Variants in UBE2D1 observed in about 807,000 individuals in gnomAD.
UBE2D1 encodes ubiquitin-conjugating enzyme E2 D1.
A neutral mutation model predicts 24.6 loss-of-function variants in UBE2D1; 9 were observed. The observed-to-expected ratio is 0.37, with a 90% confidence interval of 0.22 to 0.64. The LOEUF is 0.64. UBE2D1 is among the 30% of genes least tolerant of loss of function. The pLI, the probability that UBE2D1 is intolerant of heterozygous loss-of-function variation, is 0.64. For synonymous variants in UBE2D1, 57 were observed against 57.6 expected, an observed-to-expected ratio of 0.99 and a Z score of 0.04; for missense variants, 87 against 177.1, an observed-to-expected ratio of 0.49 and a Z score of 2.89.
At chr10:58,363,951 G>T (rs1477854643) in intron 4 of UBE2D1, among the ~76,000 whole-genome samples, 1 of 151,486 alleles carries the variant, frequency 6.6e-6, no homozygotes, top group Non-Finnish European at 1.5e-5. Context: ...GATATGTGTA[G>T]TTTGGGACGT....
At chr10:58,355,050 C>T (rs1840116421) in intron 1 of UBE2D1, among the ~76,000 whole-genome samples, 1 of 152,106 alleles carries the variant, frequency 6.6e-6, no homozygotes, top group South Asian at 2.1e-4. Flanking sequence ...TATGCTTATG[C>T]ATTAATCTGT....
intron 1 of UBE2D1, among the ~76,000 whole-genome samples, chr10:58,338,951 G>A (rs1839933017): frequency 6.6e-6 from 1 of 152,130 alleles, no homozygotes; most frequent in African/African-American, 2.4e-5. Flanking sequence ...CATATATAGA[G>A]AGACATAGAT....
In UBE2D1 at chr10:58,361,386, C is replaced by T. The variant is rs146640405; in HGVS notation, c.73C>T (p.Pro25Ser). Residue 25 changes from proline (P) to serine (S), a missense_variant, in exon 2 of 7, where the codon CCT becomes TCT. By Grantham distance (74) the Pro-to-Ser change is moderately conservative. Transcript: ENST00000373910. ...TCCACCTGCTCACTGTTCAGCTGGA[C>T]CTGTGGGAGATGACTGTAAGCCTTG... The part of the protein sequence containing the change: ...RDPPAHCSAG[P>S]VGDDLFHWQA... 1.2e-6 allele frequency: 2 copies of T among 1,614,144 alleles called. No homozygotes were observed. The highest frequency in any genetic ancestry group is 1.7e-6 in the Non-Finnish European group (2 of 1,180,030).
At chr10:58,337,078 A>G (rs1409041297) in intron 1 of UBE2D1, among the ~76,000 whole-genome samples, 1 of 152,242 alleles carries the variant, frequency 6.6e-6, no homozygotes, top group Admixed American at 6.5e-5. Context: ...TTATATTTAT[A>G]ATATGGCGTG....
chr10:58,366,950 T>G (rs1840262249), intron 5 of UBE2D1, among the ~76,000 whole-genome samples: 1 of 152,172 alleles, frequency 6.6e-6, no homozygotes, highest in Non-Finnish European at 1.5e-5. Context: ...ATTCTGGGGC[T>G]GTAAGTTAGC....
At chr10:58,335,985 C>T (rs546079670) in intron 1 of UBE2D1, among the ~76,000 whole-genome samples, 81 of 152,210 alleles carry the variant, frequency 5.3e-4, no homozygotes, top group Non-Finnish European at 1.1e-3. Context: ...CATAAACTGT[C>T]GCAAATAAAT....
intron 1 of UBE2D1, among the ~76,000 whole-genome samples, chr10:58,335,586 GCTGTGTTTT>G (rs1839894517): frequency 6.6e-6 from 1 of 152,268 alleles, no homozygotes; most frequent in African/African-American, 2.4e-5. Flanking sequence ...CCCCTGTCAT[GCTGTGTTTT>G]CTCCAGGCTG....
intron 1 of UBE2D1, among the ~76,000 whole-genome samples, chr10:58,356,188 A>G (rs1840129588): frequency 6.6e-6 from 1 of 152,194 alleles, no homozygotes; most frequent in African/African-American, 2.4e-5. Context: ...AAAGTATTAT[A>G]AAAAATTAAA....
At chr10:58,344,087 C>T (rs1232249239) in intron 1 of UBE2D1, among the ~76,000 whole-genome samples, 1 of 152,168 alleles carries the variant, frequency 6.6e-6, no homozygotes, top group South Asian at 2.1e-4. Context: ...TTAAACACAA[C>T]GCTCCTGAAA....
intron 1 of UBE2D1, among the ~76,000 whole-genome samples, chr10:58,346,109 C>A (rs1487284983): frequency 6.6e-6 from 1 of 151,430 alleles, no homozygotes; most frequent in African/African-American, 2.4e-5. Flanking sequence ...CTCCCAGGTT[C>A]AAGCAATTTT....
Position 58,341,561 on chromosome 10 carries a change from G to T in UBE2D1, c.24+6336G>T, listed in dbSNP as rs529279913. Among the ~76,000 whole-genome samples the T allele has an allele frequency of 6.6e-5, 10 of 152,214 alleles. No homozygotes were observed. The East Asian group carries it at 1.9e-3, about 29-fold the overall frequency. On this transcript the variant is annotated intron_variant, in intron 1 of 6. Transcript: ENST00000373910. ...TAAAAAGTTCTGAGATTTCTTCTCT[G>T]TGGAAATAAATAGCCTAGAACTAAA...
intron 1 of UBE2D1, among the ~76,000 whole-genome samples, chr10:58,347,639 CTTTT>C (rs774396274): frequency 8.6e-5 from 10 of 116,218 alleles, no homozygotes; most frequent in Admixed American, 1.8e-4. Flanking sequence ...AAATTACACT[CTTTT>C]TTTTTTTTTT....
At chr10:58,348,972 C>A (rs1024220409) in intron 1 of UBE2D1, among the ~76,000 whole-genome samples, 6 of 152,276 alleles carry the variant, frequency 3.9e-5, no homozygotes, top group Middle Eastern at 3.4e-3. Flanking sequence ...GAACACTCAG[C>A]ATATTGTGGG....
At chr10:58,349,603 G>A (rs1840051257) in intron 1 of UBE2D1, among the ~76,000 whole-genome samples, 2 of 151,716 alleles carry the variant, frequency 1.3e-5, no homozygotes, top group Admixed American at 6.6e-5. Context: ...ATAGATCCTT[G>A]CCCTTTTTTT....
At chr10:58,344,205 G>A (rs1031188362) in intron 1 of UBE2D1, among the ~76,000 whole-genome samples, 8 of 152,184 alleles carry the variant, frequency 5.3e-5, no homozygotes, top group Non-Finnish European at 2.9e-5. Context: ...TTTCTCTGGA[G>A]CATAGCTAAA....
At chr10:58,363,512 G>A in intron 3 of UBE2D1, 97 bp from the exon 4 acceptor site, 3 of 774,564 alleles carry the variant, frequency 3.9e-6, no homozygotes, top group South Asian at 2.0e-5. Context: ...AAACATGATG[G>A]CATTTTTTTC....
Position 58,368,302 on chromosome 10 carries a change from A to G in UBE2D1, c.398+286A>G, listed in dbSNP as rs58388034. 0.048 allele frequency: 14,060 copies of G among 292,590 alleles called. 909 individuals are homozygous for G. The highest frequency in any genetic ancestry group is 0.19 in the African/African-American group (8,749 of 46,630). The allele number at this position is 292,590 out of a possible 1,614,324, so 18.1% of individuals were successfully genotyped here. ...AAATGAAAGAATTTAATCATTGGAA[A>G]GTATTAAATATATATTGCTTATCTT... On this transcript the variant is annotated intron_variant, in intron 6 of 6. Coordinates refer to ENST00000373910, the MANE Select transcript of UBE2D1 (RefSeq NM_003338.5).
intron 1 of UBE2D1, 37 bp from the exon 2 acceptor site, chr10:58,361,301 G>A: frequency 1.9e-6 from 3 of 1,604,642 alleles, no homozygotes; most frequent in Non-Finnish European, 2.6e-6. Context: ...ATTGGGAAAA[G>A]AAGGAATTAA....
chr10:58,355,810 CT>C (rs1365347730), intron 1 of UBE2D1, among the ~76,000 whole-genome samples: 1 of 152,070 alleles, frequency 6.6e-6, no homozygotes, highest in East Asian at 1.9e-4. Context: ...GGAAAGCAAC[CT>C]TGGTATCACG....
Sources: allele counts gnomAD v4.1 joint callset (sites outside exome capture counted in the v4.1 genomes callset), GRCh38; gene constraint gnomAD v4.1.1; transcripts MANE v1.5; gene names NCBI Gene and HGNC (gene_info 2026-07-23, HGNC 2026-07-21).